ORAI3: variants seen among roughly 807,000 people sequenced by gnomAD.
ORAI3 encodes protein orai-3.
In ORAI3, 15 loss-of-function variants were observed where a neutral mutation model predicts 17.2. The ratio of observed to expected loss-of-function variants is 0.87; its 90% CI spans 0.58 to 1.34. The LOEUF (loss-of-function observed/expected upper bound fraction) is 1.34. Ranked by LOEUF, ORAI3 falls within the 40% of genes most tolerant of loss-of-function variation. The probability of loss-of-function intolerance (pLI) is 0.00; values close to 1 mark genes in which losing one functional copy is unlikely to be tolerated. For missense variants in ORAI3, 405 were observed against 396.7 expected (o/e 1.02, Z -0.18); for synonymous variants, 178 against 172.4 (o/e 1.03, Z -0.25).
intron 1 of ORAI3, 27 bp downstream of exon 1, chr16:30,949,544 G>A (rs2055911806): frequency 1.4e-6 from 2 of 1,433,142 alleles, no homozygotes; most frequent in Admixed American, 2.2e-5. Flanking sequence ...GGTCACACCC[G>A]GTGGGGCAGA....
intron 1 of ORAI3, among the ~76,000 whole-genome samples, chr16:30,950,281 CTG>C (rs1018268401): frequency 1.3e-5 from 2 of 152,166 alleles, no homozygotes; most frequent in Non-Finnish European, 2.9e-5. Context: ...CAGTGGGAAA[CTG>C]AGATCATGGA....
Position 30,949,075 on chromosome 16 carries a change from G to A in ORAI3, c.-215G>A. ...CGGCTCCGCCTCTGTCCCAGTTCCTGTTTTGGCCTCCGCTGTCCCGCTCCG... is the reference window on the plus strand; with the variant it reads ...CGGCTCCGCCTCTGTCCCAGTTCCTATTTTGGCCTCCGCTGTCCCGCTCCG... On this transcript the variant is annotated 5_prime_UTR_variant, in exon 1 of 2. Transcript: ENST00000318663. 2.3e-6 allele frequency: 1 copy of A among 442,032 alleles called. No individual in the cohort carries two copies. The highest frequency in any genetic ancestry group is 3.6e-5 in the East Asian group (1 of 27,736). 27.4% of individuals were successfully genotyped at this position (442,032 alleles called of 1,614,324 possible).
intron 1 of ORAI3, among the ~76,000 whole-genome samples, chr16:30,952,854 C>CG (rs1398414067): frequency 6.6e-5 from 10 of 151,982 alleles, no homozygotes; most frequent in Non-Finnish European, 1.5e-5. Context: ...TTAGTAGAGA[C>CG]GGGGTTTCGC....
chr16:30,954,121 T>C lies in ORAI3; in HGVS notation c.*277T>C, dbSNP rs899234953. 4.3e-6 allele frequency: 3 copies of C among 702,566 alleles called. No individual in the cohort carries two copies. The highest frequency in any genetic ancestry group is 1.7e-5 in the African/African-American group (1 of 57,252). The allele number at this position is 702,566 out of a possible 1,614,324, so 43.5% of individuals were successfully genotyped here. A position where few individuals can be genotyped will look rare whatever the true frequency, so the allele number is the denominator to read the frequency against. ...CTCAGTTGAAGGATCATGCAGTAGA[T>C]AGAGGGGAGGCAGGGAGAGCTTGTG... On this transcript the variant is annotated 3_prime_UTR_variant, in exon 2 of 2. Transcript: ENST00000318663.
intron 1 of ORAI3, 86 bp from the exon 2 acceptor site, chr16:30,953,099 G>A: frequency 8.0e-7 from 1 of 1,249,214 alleles, no homozygotes; most frequent in South Asian, 1.4e-5. Flanking sequence ...CTAGGGATAT[G>A]TATCAGTGAT....
At position 30,953,867 on chromosome 16, in the gene ORAI3, C is replaced by CT; in HGVS notation, c.*24dup. 6.3e-7 allele frequency: 1 copy of CT among 1,587,876 alleles called. No individual in the cohort carries two copies. Among genetic ancestry groups the CT allele is most frequent in the Non-Finnish European group, 8.6e-7 (1 of 1,169,096 alleles). On this transcript the variant is annotated 3_prime_UTR_variant, in exon 2 of 2. Coordinates refer to ENST00000318663, the MANE Select transcript of ORAI3 (RefSeq NM_152288.3). ...TGAGACTGGTGTTAGCCACCGCTCACTGCAAGCACTGCCTCCCTCCGGGGT... is the reference window on the plus strand; with the variant it reads ...TGAGACTGGTGTTAGCCACCGCTCACTTGCAAGCACTGCCTCCCTCCGGGGT...
At chr16:30,949,573 T>A in intron 1 of ORAI3, 56 bp downstream of exon 1, 1 of 175,362 alleles carries the variant, frequency 5.7e-6, no homozygotes. Context: ...GGGGCACAGG[T>A]CGGGGGGGGG....
chr16:30,953,816 G>C lies in ORAI3; in HGVS notation c.860G>C (p.Arg287Pro), dbSNP rs923312049. ...RYKQELEELN[R>P]LQGELQAV is the part of the protein sequence containing the mutation. The stretch of plus-strand genomic sequence containing the variant: ...AAGCAGGAACTAGAGGAACTGAATC[G>C]CCTGCAGGGGGAGCTGCAGGCTGTG... The change falls in exon 2 of 2, where the codon CGC becomes CCC. Residue 287 changes from arginine to proline, a missense_variant. Physicochemically the swap from Arg to Pro is moderately radical, Grantham distance 103 (BLOSUM62 -2). Transcript: ENST00000318663. The C allele has an allele frequency of 2.5e-6, 4 of 1,611,750 alleles. No homozygotes were observed. The highest frequency in any genetic ancestry group is 3.4e-6 in the Non-Finnish European group (4 of 1,179,052).
chr16:30,952,196 G>A (rs990795833), intron 1 of ORAI3, among the ~76,000 whole-genome samples: 1 of 146,528 alleles, frequency 6.8e-6, no homozygotes, highest in Non-Finnish European at 1.5e-5. Flanking sequence ...GTGCGATCTC[G>A]GCTCACTGCA....
Position 30,953,369 on chromosome 16 carries a change from C to T in ORAI3, c.413C>T (p.Ser138Leu), listed in dbSNP as rs200285216. Reference sequence around the variant, plus strand: ...CACAACCTCAACTCTGTCCACCAGTCGCCACACCAGAGACTGCACCGCTAC... The same window carrying T: ...CACAACCTCAACTCTGTCCACCAGTTGCCACACCAGAGACTGCACCGCTAC... ...NIHNLNSVHQ[S>L]PHQRLHRYVE... The change falls in exon 2 of 2, where the codon TCG (serine) becomes TTG (leucine). Residue 138 changes from serine to leucine, a missense_variant. Ser to Leu is a moderately radical substitution (Grantham distance 145). Transcript: ENST00000318663. 165 of 1,614,174 alleles carry T rather than the reference C, an allele frequency of 1.0e-4. No individual in the cohort carries two copies. The highest frequency in any genetic ancestry group is 5.0e-4 in the Admixed American group (30 of 60,034).
At position 30,953,599 on chromosome 16, in the gene ORAI3, G is replaced by C; in HGVS notation, c.643G>C (p.Ala215Pro). The C allele has an allele frequency of 6.2e-7, 1 of 1,614,214 alleles. No homozygotes were observed. The highest frequency in any genetic ancestry group is 8.5e-7 in the Non-Finnish European group (1 of 1,180,036). ...AGCTTCCAATCTCCCACGGTCCTCT[G>C]CGTCTGCAGCACCGTCCCAAGCTGA... ...SPASNLPRSS[A>P]SAAPSQAEPA... is the part of the protein sequence containing the mutation. Residue 215 changes from alanine to proline, a missense_variant, in exon 2 of 2, where the codon GCG becomes CCG. Transcript: ENST00000318663.
Position 30,953,856 on chromosome 16 carries a change from G to C in ORAI3, c.*12G>C. The C allele has an allele frequency of 6.3e-7, 1 of 1,596,678 alleles. No homozygotes were observed. The highest frequency in any genetic ancestry group is 8.5e-7 in the Non-Finnish European group (1 of 1,172,582). Reference sequence around the variant, plus strand: ...TGCAGGCTGTGTGAGACTGGTGTTAGCCACCGCTCACTGCAAGCACTGCCT... The same window carrying C: ...TGCAGGCTGTGTGAGACTGGTGTTACCCACCGCTCACTGCAAGCACTGCCT... On this transcript the variant is annotated 3_prime_UTR_variant, in exon 2 of 2. Coordinates refer to ENST00000318663, the MANE Select transcript of ORAI3 (RefSeq NM_152288.3).
chr16:30,950,967 G>C (rs2055922112), intron 1 of ORAI3, among the ~76,000 whole-genome samples: 2 of 152,152 alleles, frequency 1.3e-5, no homozygotes, highest in Admixed American at 1.3e-4. Context: ...AGGTTCCGGG[G>C]GCAGGACTGG....
At chr16:30,949,638 G>T in intron 1 of ORAI3, 121 bp downstream of exon 1, 1 of 730,084 alleles carries the variant, frequency 1.4e-6, no homozygotes. Context: ...CGTCAAAGGG[G>T]GAAGGAACAA....
chr16:30,952,894 G>A (rs1353965332), intron 1 of ORAI3, among the ~76,000 whole-genome samples: 2 of 152,220 alleles, frequency 1.3e-5, no homozygotes, highest in East Asian at 3.9e-4. Context: ...TCAAACTCCT[G>A]ACCTCAGGTG....
Position 30,954,312 on chromosome 16 carries a change from G to A in ORAI3, c.*468G>A, listed in dbSNP as rs1019151705. 8.7e-6 allele frequency: 5 copies of A among 576,422 alleles called. No homozygotes were observed. Among genetic ancestry groups the A allele is most frequent in the African/African-American group, 1.9e-5 (1 of 52,940 alleles). 35.7% of individuals were successfully genotyped at this position (576,422 alleles called of 1,614,324 possible). ...AGCTCACTGTAGCCTCGACCTTCCA[G>A]GCTCAAAAGATGCTCCCACCACAGC... On this transcript the variant is annotated 3_prime_UTR_variant, in exon 2 of 2. Coordinates refer to ENST00000318663, the MANE Select transcript of ORAI3 (RefSeq NM_152288.3).
chr16:30,949,462 G>A lies in ORAI3; in HGVS notation c.173G>A (p.Arg58Gln). The A allele has an allele frequency of 1.2e-6, 2 of 1,608,562 alleles. No individual in the cohort carries two copies. The highest frequency in any genetic ancestry group is 1.7e-6 in the Non-Finnish European group (2 of 1,178,722). Reference sequence around the variant, plus strand: ...AGCTGGCGCCGCCTCTACCTCAGCCGGGCCAAGCTCAAAGCTTCCAGCCGC... The same window carrying A: ...AGCTGGCGCCGCCTCTACCTCAGCCAGGCCAAGCTCAAAGCTTCCAGCCGC... ...ALSWRRLYLS[R>Q]AKLKASSRTS... The change falls in exon 1 of 2, where the codon CGG becomes CAG. Residue 58 changes from arginine to glutamine, a missense_variant. Arg to Gln is a conservative substitution (Grantham distance 43, BLOSUM62 1). Transcript: ENST00000318663.
At chr16:30,952,961 C>T (rs1567344611) in intron 1 of ORAI3, among the ~76,000 whole-genome samples, 1 of 152,158 alleles carries the variant, frequency 6.6e-6, no homozygotes, top group South Asian at 2.1e-4. Flanking sequence ...CCGCCGCGCC[C>T]GGCCATCCAG....
Position 30,953,809 on chromosome 16 carries a change from C to A in ORAI3, c.853C>A (p.Leu285Met). ...TDRYKQELEE[L>M]NRLQGELQAV is the part of the protein sequence containing the mutation. ...CCGCTACAAGCAGGAACTAGAGGAACTGAATCGCCTGCAGGGGGAGCTGCA... is the reference window on the plus strand; with the variant it reads ...CCGCTACAAGCAGGAACTAGAGGAAATGAATCGCCTGCAGGGGGAGCTGCA... The change falls in exon 2 of 2, where the codon CTG (leucine) becomes ATG (methionine). Residue 285 changes from leucine to methionine, a missense_variant. Physicochemically the swap from Leu to Met is conservative, Grantham distance 15. Transcript: ENST00000318663. 4 of 1,612,370 alleles carry A rather than the reference C, an allele frequency of 2.5e-6. No individual in the cohort carries two copies. Among genetic ancestry groups the A allele is most frequent in the South Asian group, 1.1e-5 (1 of 90,992 alleles).
Sources: allele counts gnomAD v4.1 joint callset (sites outside exome capture counted in the v4.1 genomes callset), GRCh38; gene constraint gnomAD v4.1.1; transcripts MANE v1.5; gene names NCBI Gene and HGNC (gene_info 2026-07-23, HGNC 2026-07-21).